Variants in ANK2 observed in about 807,000 individuals in gnomAD.
The protein encoded by ANK2 is ankyrin-2.
A neutral mutation model predicts 360.5 loss-of-function variants in ANK2; 83 were observed. The observed-to-expected ratio is 0.23, with a 90% confidence interval of 0.19 to 0.28. The LOEUF (loss-of-function observed/expected upper bound fraction) is 0.28, where lower values mean the gene tolerates loss of function less well. Ranked by LOEUF, ANK2 falls within the 10% of genes least tolerant of loss-of-function variation. ANK2 has a pLI of 1.00. For synonymous variants in ANK2, 1,740 were observed against 1,759.5 expected, an observed-to-expected ratio of 0.99 and a Z score of 0.28; for missense variants, 4,201 against 4,795.7, an observed-to-expected ratio of 0.88 and a Z score of 3.66.
the ANK2 span, among the ~76,000 whole-genome samples, chr4:112,765,689 G>T: frequency 8.4e-6 from 1 of 119,734 alleles, no homozygotes. Flanking sequence ...CAGGACTTCT[G>T]ACATGTCTTT....
chr4:113,063,003 G>A (rs1039305882), intron 1 of ANK2, among the ~76,000 whole-genome samples: 2 of 152,092 alleles, frequency 1.3e-5, no homozygotes, highest in African/African-American at 4.8e-5. Flanking sequence ...TTAGGTGACA[G>A]ATGATAAGTG....
chr4:112,983,475 G>A (rs1033659096), intron 2 of ANK2, among the ~76,000 whole-genome samples: 1 of 151,674 alleles, frequency 6.6e-6, no homozygotes, highest in Non-Finnish European at 1.5e-5. Context: ...TTGGGAGATC[G>A]AGACCAGCCT....
At chr4:112,959,281 T>C (rs1462049091) in intron 2 of ANK2, among the ~76,000 whole-genome samples, 1 of 152,174 alleles carries the variant, frequency 6.6e-6, no homozygotes, top group African/African-American at 2.4e-5. Flanking sequence ...AAAAAAAAGA[T>C]TGAAAATGCA....
At chr4:112,917,650 G>A (rs2090286603) in intron 2 of ANK2, among the ~76,000 whole-genome samples, 2 of 152,216 alleles carry the variant, frequency 1.3e-5, no homozygotes, top group South Asian at 4.1e-4. Context: ...GTTCAGCATT[G>A]AATCCTTACT....
chr4:113,101,681 A>G (rs1183593762), intron 1 of ANK2, among the ~76,000 whole-genome samples: 1 of 152,156 alleles, frequency 6.6e-6, no homozygotes, highest in Non-Finnish European at 1.5e-5. Context: ...AAAAAATTCA[A>G]CAAATAAGAA....
At chr4:112,922,094 C>T (rs2091673180) in intron 2 of ANK2, among the ~76,000 whole-genome samples, 1 of 152,190 alleles carries the variant, frequency 6.6e-6, no homozygotes, top group Admixed American at 6.5e-5. Context: ...GCTACTCTAA[C>T]TCGTCTTAGG....
At chr4:112,924,495 A>G (rs997794736) in intron 2 of ANK2, among the ~76,000 whole-genome samples, 1 of 152,198 alleles carries the variant, frequency 6.6e-6, no homozygotes, top group African/African-American at 2.4e-5. Context: ...CAGCTTTTTA[A>G]AAGCTGACTT....
intron 2 of ANK2, among the ~76,000 whole-genome samples, chr4:113,174,939 T>G (rs1243973691): frequency 6.6e-6 from 1 of 152,206 alleles, no homozygotes; most frequent in Non-Finnish European, 1.5e-5. Flanking sequence ...TCCTAATTAA[T>G]TTTAAAATAT....
At chr4:112,783,279 C>T in the ANK2 span, among the ~76,000 whole-genome samples, 3 of 152,190 alleles carry the variant, frequency 2.0e-5, no homozygotes, top group African/African-American at 4.8e-5. Flanking sequence ...CATGTGTATT[C>T]ACCTCTTAGC....
chr4:112,827,402 G>A, intron 1 of ANK2: 1 of 1,382,488 alleles, frequency 7.2e-7, no homozygotes, highest in South Asian at 1.2e-5. Context: ...GCAGCTATTG[G>A]ACCAAGGAAG....
the ANK2 span, among the ~76,000 whole-genome samples, chr4:112,726,746 G>C: frequency 6.6e-6 from 1 of 151,408 alleles, no homozygotes; most frequent in African/African-American, 2.4e-5. Flanking sequence ...AGCTACTCGG[G>C]AGGCTGAGGC....
intron 2 of ANK2, among the ~76,000 whole-genome samples, chr4:113,019,319 T>A (rs1439479308): frequency 6.6e-6 from 1 of 152,334 alleles, no homozygotes; most frequent in African/African-American, 2.4e-5. Context: ...TAAGCATAAC[T>A]TTTTTTGTAC....
At chr4:112,731,732 C>CAA in the ANK2 span, among the ~76,000 whole-genome samples, 1 of 132,308 alleles carries the variant, frequency 7.6e-6, no homozygotes, top group African/African-American at 2.8e-5. Flanking sequence ...GACCTTGTCT[C>CAA]AAAAAAAAAA....
chr4:113,373,519 G>C (rs2154075640), intron 45 of ANK2, 70 bp downstream of exon 45: 4 of 1,477,738 alleles, frequency 2.7e-6, no homozygotes, highest in Non-Finnish European at 3.8e-6. Context: ...AAAGATGAGT[G>C]AGATTGTTTA....
intron 22 of ANK2, among the ~76,000 whole-genome samples, chr4:113,300,356 C>G (rs1449526572): frequency 2.1e-5 from 3 of 146,072 alleles, no homozygotes; most frequent in African/African-American, 7.7e-5. Flanking sequence ...AAATTCCACC[C>G]AAAGACAATC....
chr4:113,018,521 A>G (rs772802525), intron 2 of ANK2, among the ~76,000 whole-genome samples: 20 of 152,116 alleles, frequency 1.3e-4, no homozygotes, highest in Non-Finnish European at 2.8e-4. Flanking sequence ...TAGAGTTTAG[A>G]CTTAAGGTTA....
chr4:112,787,943 T>A, the ANK2 span: 5 of 605,088 alleles, frequency 8.3e-6, no homozygotes, highest in Non-Finnish European at 1.2e-5. Context: ...ACATCCTCCA[T>A]GTATGATCAT....
At chr4:113,350,471 T>A (rs1228372550) in intron 37 of ANK2, 2 of 455,248 alleles carry the variant, frequency 4.4e-6, no homozygotes, top group Non-Finnish European at 7.9e-6. Context: ...TGATTATTCA[T>A]CTAAGCATTC....
chr4:112,921,381 T>A (rs1259706836), intron 2 of ANK2, among the ~76,000 whole-genome samples: 1 of 73,032 alleles, frequency 1.4e-5, no homozygotes, highest in Non-Finnish European at 2.3e-5. Context: ...TTCTTTAAGT[T>A]TTTTTTTTTT....
Sources: gnomAD v4.1 joint callset for allele counts (sites outside exome capture counted in the v4.1 genomes callset) on GRCh38, gnomAD v4.1.1 for gene constraint, MANE v1.5 for transcripts, NCBI Gene and HGNC (gene_info 2026-07-23, HGNC 2026-07-21) for gene names.